TRPM3: variants seen among roughly 807,000 people sequenced by gnomAD.
TRPM3 encodes the protein long transient receptor potential channel 3.
Under a neutral mutation model 181.2 loss-of-function variants are expected in TRPM3, and 77 were observed. The ratio of observed to expected loss-of-function variants is 0.42; its 90% CI spans 0.35 to 0.51. The LOEUF is 0.51. Among genes scored for constraint, TRPM3 ranks in the 20% least tolerant of loss-of-function variants. The pLI, the probability that TRPM3 is intolerant of heterozygous loss-of-function variation, is 0.01. For synonymous variants in TRPM3, 745 were observed against 796.4 expected, an observed-to-expected ratio of 0.94 and a Z score of 1.09; for missense variants, 1,759 against 2,196.7, an observed-to-expected ratio of 0.80 and a Z score of 3.98.
intron 6 of TRPM3, among the ~76,000 whole-genome samples, chr9:70,823,717 G>A (rs1393272324): frequency 5.3e-5 from 8 of 152,194 alleles, no homozygotes; most frequent in African/African-American, 1.7e-4. Flanking sequence ...TCAATGAATT[G>A]TTAATTGTTG....
chr9:70,595,572 A>C (rs1258836457), intron 21 of TRPM3, among the ~76,000 whole-genome samples: 1 of 152,232 alleles, frequency 6.6e-6, no homozygotes, highest in East Asian at 1.9e-4. Context: ...TAGCTATTAT[A>C]GTTCTTTGCT....
chr9:71,446,883 C>G, upstream of TRPM3: 1 of 1,460,238 alleles, frequency 6.8e-7, no homozygotes. Context: ...GCCGAGCGCT[C>G]TCGCTGGCTC....
At chr9:70,866,033 A>G (rs2095643432) in intron 1 of TRPM3, among the ~76,000 whole-genome samples, 1 of 152,062 alleles carries the variant, frequency 6.6e-6, no homozygotes, top group South Asian at 2.1e-4. Context: ...AGAAAAGGCT[A>G]GTGGCTACCT....
chr9:71,004,901 CAT>C (rs1446239001), intron 1 of TRPM3, among the ~76,000 whole-genome samples: 2 of 151,986 alleles, frequency 1.3e-5, no homozygotes, highest in Non-Finnish European at 2.9e-5. Context: ...GAAGATAAAA[CAT>C]ATGAAATTAC....
At chr9:71,315,725 T>C (rs1227783668) in intron 1 of TRPM3, among the ~76,000 whole-genome samples, 7 of 152,192 alleles carry the variant, frequency 4.6e-5, no homozygotes, top group African/African-American at 1.7e-4. Context: ...TCCAGCAATG[T>C]TTTAAAAAGA....
intron 1 of TRPM3, among the ~76,000 whole-genome samples, chr9:71,054,576 C>T (rs2060447317): frequency 6.6e-6 from 1 of 152,104 alleles, no homozygotes; most frequent in Non-Finnish European, 1.5e-5. Context: ...TCTGAAATGA[C>T]CTGTTTCATC....
chr9:70,921,934 C>CAA (rs1554770476), intron 1 of TRPM3, among the ~76,000 whole-genome samples: 4 of 119,940 alleles, frequency 3.3e-5, no homozygotes, highest in South Asian at 2.8e-4. Flanking sequence ...CACACACACA[C>CAA]ACAAACAAAC....
chr9:70,915,591 C>A (rs1437984789), intron 1 of TRPM3, among the ~76,000 whole-genome samples: 1 of 151,690 alleles, frequency 6.6e-6, no homozygotes. Flanking sequence ...AGGCATGAGC[C>A]ACCACGCCTG....
intron 6 of TRPM3, among the ~76,000 whole-genome samples, chr9:70,813,958 T>C (rs951650564): frequency 7.9e-5 from 12 of 152,246 alleles, no homozygotes; most frequent in African/African-American, 2.9e-4. Context: ...GCTCTTCAAG[T>C]ATACAGCTAT....
In TRPM3 at chr9:70,532,189, A is replaced by C. The variant is rs2040971313; in HGVS notation, c.*3764T>G. 1 of 152,228 alleles carries C rather than the reference A, an allele frequency of 6.6e-6. No individual in the cohort carries two copies. The highest frequency in any genetic ancestry group is 1.5e-5 in the Non-Finnish European group (1 of 68,050). 9.4% of individuals were successfully genotyped at this position (152,228 alleles called of 1,614,324 possible). A position where few individuals can be genotyped will look rare whatever the true frequency, so the allele number is the denominator to read the frequency against. On this transcript the variant is annotated 3_prime_UTR_variant, in exon 26 of 26. Transcript: ENST00000677713. Reference sequence around the variant, plus strand: ...AATATTTATCATCTTTAAAGAAATTAAACAGCCCAAACATTCAGGAAGATT... The same window carrying C: ...AATATTTATCATCTTTAAAGAAATTCAACAGCCCAAACATTCAGGAAGATT...
chr9:70,991,162 G>T (rs1052048775), intron 1 of TRPM3, among the ~76,000 whole-genome samples: 3 of 152,092 alleles, frequency 2.0e-5, no homozygotes, highest in African/African-American at 7.2e-5. Flanking sequence ...ATATTGCCTA[G>T]AGAAGGGGCT....
intron 1 of TRPM3, among the ~76,000 whole-genome samples, chr9:71,215,913 G>A (rs568505640): frequency 1.5e-4 from 23 of 152,280 alleles, no homozygotes; most frequent in African/African-American, 5.1e-4. Context: ...TACAATCCAT[G>A]GCAATGTCTG....
intron 1 of TRPM3, among the ~76,000 whole-genome samples, chr9:71,049,993 G>C (rs1221145012): frequency 6.6e-6 from 1 of 152,074 alleles, no homozygotes; most frequent in Non-Finnish European, 1.5e-5. Flanking sequence ...CCTATGTTCA[G>C]TGTCTTACCA....
chr9:71,066,233 G>A (rs2061905911), intron 1 of TRPM3, among the ~76,000 whole-genome samples: 1 of 152,084 alleles, frequency 6.6e-6, no homozygotes, highest in East Asian at 1.9e-4. Flanking sequence ...ATATCTTGAT[G>A]ACAATAATAC....
intron 1 of TRPM3, among the ~76,000 whole-genome samples, chr9:71,347,819 A>G (rs2132645666): frequency 6.6e-6 from 1 of 152,186 alleles, no homozygotes; most frequent in African/African-American, 2.4e-5. Context: ...ATTTTAAATT[A>G]AAACTTTTAA....
At chr9:71,047,913 C>G (rs2059640465) in intron 1 of TRPM3, among the ~76,000 whole-genome samples, 1 of 152,018 alleles carries the variant, frequency 6.6e-6, no homozygotes, top group Admixed American at 6.6e-5. Flanking sequence ...CTTTGATTCT[C>G]TCATTTACCA....
chr9:71,197,041 C>T (rs1379599820), intron 1 of TRPM3, among the ~76,000 whole-genome samples: 1 of 152,114 alleles, frequency 6.6e-6, no homozygotes, highest in African/African-American at 2.4e-5. Context: ...CCACAAGAGT[C>T]CCCAGAGTGT....
chr9:70,542,451 C>T (rs759463878), intron 25 of TRPM3, among the ~76,000 whole-genome samples: 5 of 152,084 alleles, frequency 3.3e-5, no homozygotes, highest in Admixed American at 6.5e-5. Flanking sequence ...AGAGCAGGGA[C>T]ACAATGGAGT....
chr9:70,574,286 C>T (rs989003832), intron 22 of TRPM3, among the ~76,000 whole-genome samples: 1 of 152,148 alleles, frequency 6.6e-6, no homozygotes, highest in Non-Finnish European at 1.5e-5. Context: ...TATTCCCTAC[C>T]ATTCTCTCCT....
Sources: gnomAD v4.1 joint callset for allele counts (sites outside exome capture counted in the v4.1 genomes callset) on GRCh38, gnomAD v4.1.1 for gene constraint, MANE v1.5 for transcripts, NCBI Gene and HGNC (gene_info 2026-07-23, HGNC 2026-07-21) for gene names.